The following CTNND2 variants were observed in gnomAD, a reference collection of about 807,000 sequenced individuals.
CTNND2 encodes the protein catenin delta 2.
Under a neutral mutation model 144.4 loss-of-function variants are expected in CTNND2, and 22 were observed. That is an observed-to-expected ratio of 0.15 (90% CI 0.11 to 0.22). The LOEUF (loss-of-function observed/expected upper bound fraction) is 0.22. CTNND2 is among the 10% of genes least tolerant of loss of function. CTNND2 has a pLI of 1.00. For synonymous variants in CTNND2, 751 were observed against 695.6 expected, an observed-to-expected ratio of 1.08 and a Z score of -1.25; for missense variants, 1,353 against 1,618.8, an observed-to-expected ratio of 0.84 and a Z score of 2.82.
intron 1 of CTNND2, among the ~76,000 whole-genome samples, chr5:11,744,677 G>T (rs1354357088): frequency 1.5e-4 from 2 of 13,164 alleles, no homozygotes; most frequent in African/African-American, 2.0e-4. Context: ...GAGTGTGTGT[G>T]TGTGTGTTTG....
At chr5:11,289,675 C>T (rs1431583541) in intron 9 of CTNND2, among the ~76,000 whole-genome samples, 2 of 152,180 alleles carry the variant, frequency 1.3e-5, no homozygotes, top group Non-Finnish European at 2.9e-5. Context: ...GCCCAGGGGA[C>T]CTTAATCATT....
chr5:11,732,689 C>T (rs1787458631), intron 1 of CTNND2, among the ~76,000 whole-genome samples: 1 of 152,088 alleles, frequency 6.6e-6, no homozygotes, highest in South Asian at 2.1e-4. Flanking sequence ...TTACATGTTT[C>T]CTCCTTGGTT....
intron 8 of CTNND2, among the ~76,000 whole-genome samples, chr5:11,355,426 A>T (rs1283339417): frequency 6.6e-6 from 1 of 152,172 alleles, no homozygotes; most frequent in Non-Finnish European, 1.5e-5. Context: ...AATCATTTCA[A>T]TAGATTCTGC....
chr5:11,578,486 C>G (rs1049903648), intron 2 of CTNND2, among the ~76,000 whole-genome samples: 44 of 152,038 alleles, frequency 2.9e-4, no homozygotes, highest in African/African-American at 1.0e-3. Flanking sequence ...CATGGTGAAA[C>G]CCCGTCTCTA....
chr5:11,786,677 G>C (rs1202107229), intron 1 of CTNND2, among the ~76,000 whole-genome samples: 2 of 152,124 alleles, frequency 1.3e-5, no homozygotes, highest in African/African-American at 4.8e-5. Flanking sequence ...CTGAACTGAA[G>C]GAGAAAATGG....
At chr5:11,082,977 T>C (rs1017172069) in intron 15 of CTNND2, 131 bp from the exon 16 acceptor site, 11 of 1,000,258 alleles carry the variant, frequency 1.1e-5, no homozygotes, top group East Asian at 2.6e-5. Flanking sequence ...AGTTGTAGAA[T>C]GGGTTGAATA....
chr5:11,321,601 A>G (rs1337782447), intron 9 of CTNND2, among the ~76,000 whole-genome samples: 1 of 152,202 alleles, frequency 6.6e-6, no homozygotes, highest in Non-Finnish European at 1.5e-5. Context: ...AGGGATTGTG[A>G]GAAGTTCATA....
intron 1 of CTNND2, among the ~76,000 whole-genome samples, chr5:11,737,265 A>G (rs1174561875): frequency 6.6e-6 from 1 of 152,190 alleles, no homozygotes; most frequent in South Asian, 2.1e-4. Context: ...CCAACCTGAT[A>G]TAGAAAAATG....
chr5:11,542,951 T>A (rs147384006), intron 3 of CTNND2, among the ~76,000 whole-genome samples: 10 of 152,308 alleles, frequency 6.6e-5, no homozygotes, highest in Non-Finnish European at 1.5e-4. Context: ...AATCTTCACA[T>A]CAAAATCTCA....
intron 5 of CTNND2, among the ~76,000 whole-genome samples, chr5:11,410,908 G>A (rs1488234004): frequency 1.3e-5 from 2 of 149,322 alleles, no homozygotes; most frequent in Non-Finnish European, 3.0e-5. Flanking sequence ...GTCTCCTTCT[G>A]TTGCCCAGGA....
intron 1 of CTNND2, among the ~76,000 whole-genome samples, chr5:11,816,051 A>C (rs1481578764): frequency 6.6e-6 from 1 of 152,168 alleles, no homozygotes; most frequent in African/African-American, 2.4e-5. Flanking sequence ...CACAGAACAC[A>C]GTTGGAGCGT....
intron 11 of CTNND2, among the ~76,000 whole-genome samples, chr5:11,183,866 G>C (rs1179123120): frequency 6.6e-6 from 1 of 151,978 alleles, no homozygotes; most frequent in East Asian, 1.9e-4. Flanking sequence ...GCCTAGTTTT[G>C]TGTACTCTCT....
At chr5:11,140,323 C>T (rs1034098056) in intron 12 of CTNND2, among the ~76,000 whole-genome samples, 1 of 152,172 alleles carries the variant, frequency 6.6e-6, no homozygotes, top group Non-Finnish European at 1.5e-5. Context: ...CCTCAAAGTA[C>T]TCCTAGGCTC....
intron 9 of CTNND2, among the ~76,000 whole-genome samples, chr5:11,258,606 G>T (rs1396381006): frequency 6.6e-6 from 1 of 151,998 alleles, no homozygotes; most frequent in Non-Finnish European, 1.5e-5. Flanking sequence ...TTTCATTTTT[G>T]CACAGAAAAG....
rs186593493 is a variant in CTNND2, at chr5:11,827,416, G to A, written c.37+76401C>T. ...TAAACTTCTACCCTTAATAAGATGC[G>A]AAGTAACAATAATGAATAAAACAAA... On this transcript the variant is annotated intron_variant, in intron 1 of 21. Transcript: ENST00000304623. Among the ~76,000 whole-genome samples the A allele has an allele frequency of 3.4e-3, 524 of 152,132 alleles. 1 individual carries two copies. Among genetic ancestry groups the A allele is most frequent in the African/African-American group, 0.012 (490 of 41,514 alleles).
chr5:11,159,551 G>A (rs769482978), intron 12 of CTNND2, 25 bp downstream of exon 12: 28 of 1,567,360 alleles, frequency 1.8e-5, no homozygotes, highest in Non-Finnish European at 2.4e-5. Context: ...ATGGTGGGAG[G>A]AGGCACTCGT....
At chr5:11,554,996 C>T (rs1236117813) in intron 3 of CTNND2, among the ~76,000 whole-genome samples, 1 of 151,514 alleles carries the variant, frequency 6.6e-6, no homozygotes, top group East Asian at 1.9e-4. Context: ...AATATGTATA[C>T]TGGAAGATAT....
At chr5:11,096,493 C>T (rs1751364061) in intron 15 of CTNND2, among the ~76,000 whole-genome samples, 1 of 152,158 alleles carries the variant, frequency 6.6e-6, no homozygotes, top group Admixed American at 6.5e-5. Context: ...AGGACATGAA[C>T]TCATCCTTTT....
intron 10 of CTNND2, among the ~76,000 whole-genome samples, chr5:11,216,316 T>C (rs1580612629): frequency 6.6e-6 from 1 of 152,216 alleles, no homozygotes. Context: ...AGGTTGAAGA[T>C]GGAATGAAGG....
Sources: allele counts gnomAD v4.1 joint callset (sites outside exome capture counted in the v4.1 genomes callset), GRCh38; gene constraint gnomAD v4.1.1; transcripts MANE v1.5; gene names NCBI Gene and HGNC (gene_info 2026-07-23, HGNC 2026-07-21).